The following TRIQK variants were observed in gnomAD, a reference collection of about 807,000 sequenced individuals.
The protein encoded by TRIQK is triple QxxK/R motif-containing protein.
In TRIQK, 10 loss-of-function variants were observed where a neutral mutation model predicts 10.8. The ratio of observed to expected loss-of-function variants is 0.92; its 90% confidence interval spans 0.57 to 1.57. The LOEUF (loss-of-function observed/expected upper bound fraction) is 1.57. Among genes scored for constraint, TRIQK ranks in the 40% most tolerant of loss-of-function variants. The pLI is 0.00. For missense variants in TRIQK, 107 were observed against 97.7 expected, an observed-to-expected ratio of 1.09 and a Z score of -0.40; for synonymous variants, 33 against 33.7, an observed-to-expected ratio of 0.98 and a Z score of 0.07.
intron 1 of TRIQK, among the ~76,000 whole-genome samples, chr8:93,016,304 C>A (rs544663731): frequency 6.6e-6 from 1 of 152,128 alleles, no homozygotes; most frequent in Non-Finnish European, 1.5e-5. Flanking sequence ...TTCTGAGTTT[C>A]CATGTGTCCT....
chr8:92,935,419 T>G (rs1810936462), intron 2 of TRIQK, among the ~76,000 whole-genome samples: 1 of 151,820 alleles, frequency 6.6e-6, no homozygotes, highest in East Asian at 1.9e-4. Context: ...CATATTCTGT[T>G]TTGTGCACGT....
intron 1 of TRIQK, among the ~76,000 whole-genome samples, chr8:92,984,499 A>G (rs1813013946): frequency 6.6e-6 from 1 of 152,144 alleles, no homozygotes; most frequent in Non-Finnish European, 1.5e-5. Context: ...AGATATGAGA[A>G]TAAAAAAGAA....
At chr8:92,925,942 T>TGGTGGCG (rs1428901312) in intron 2 of TRIQK, among the ~76,000 whole-genome samples, 1 of 152,072 alleles carries the variant, frequency 6.6e-6, no homozygotes, top group Non-Finnish European at 1.5e-5. Flanking sequence ...ATTGGGGGCA[T>TGGTGGCG]GGTGGCGGGT....
At chr8:92,994,184 T>C (rs964032579) in intron 1 of TRIQK, among the ~76,000 whole-genome samples, 1 of 152,180 alleles carries the variant, frequency 6.6e-6, no homozygotes, top group Non-Finnish European at 1.5e-5. Flanking sequence ...TAATATTGTA[T>C]CGTGTATACA....
rs184218074 is a variant in TRIQK at position 92,909,919 on chromosome 8, C to T, written c.61+7010G>A. Among the ~76,000 whole-genome samples the T allele has an allele frequency of 1.7e-4, 26 of 151,488 alleles. No homozygotes were observed. The East Asian group carries it at 3.1e-3, about 18-fold the overall frequency. On this transcript the variant is annotated intron_variant, in intron 3 of 4. Transcript: ENST00000521988. ...AAAAAGAATAACAGGGAACCTAAAACGCAAAATTAAGAAAAATTAAACAAC... is the reference window on the plus strand; with the variant it reads ...AAAAAGAATAACAGGGAACCTAAAATGCAAAATTAAGAAAAATTAAACAAC...
chr8:92,965,235 G>A (rs1812676139), intron 1 of TRIQK: 1 of 152,046 alleles, frequency 6.6e-6, no homozygotes, highest in Admixed American at 6.5e-5. Context: ...AACTTCTTCA[G>A]GAGGCTTATT....
chr8:92,927,425 TA>T (rs34162144), intron 2 of TRIQK, among the ~76,000 whole-genome samples: 106,839 of 150,398 alleles, frequency 0.71, 37,964 homozygotes, highest in Admixed American at 0.79. Context: ...AATTTGAAAG[TA>T]AAAAAAAAAC....
chr8:92,951,838 G>A (rs138570426), intron 2 of TRIQK, among the ~76,000 whole-genome samples: 116 of 152,184 alleles, frequency 7.6e-4, no homozygotes, highest in African/African-American at 2.7e-3. Context: ...TCCATGTGGA[G>A]GAAGAGAAAT....
intron 1 of TRIQK, among the ~76,000 whole-genome samples, chr8:93,011,104 T>C (rs1813327311): frequency 1.3e-5 from 2 of 151,856 alleles, no homozygotes; most frequent in Admixed American, 1.3e-4. Context: ...TAATGGACCG[T>C]ATAGGATTCT....
rs1038672148 is a variant in TRIQK, at chr8:92,883,852, T to C, written c.*2770A>G. 2.2e-4 allele frequency: 33 copies of C among 151,788 alleles called. No homozygotes were observed. The highest frequency in any genetic ancestry group is 7.5e-4 in the African/African-American group (31 of 41,402). The allele number at this position is 151,788 out of a possible 1,614,324, so 9.4% of individuals were successfully genotyped here. On this transcript the variant is annotated 3_prime_UTR_variant, in exon 5 of 5. Transcript: ENST00000521988. The stretch of plus-strand genomic sequence containing the variant: ...CTACATTTGTACTAAAATAGGCTTT[T>C]GCTTGTTTTAAAAGCAATTCTAGAT...
At chr8:92,946,031 A>G (rs1811514632) in intron 2 of TRIQK, among the ~76,000 whole-genome samples, 1 of 152,130 alleles carries the variant, frequency 6.6e-6, no homozygotes, top group African/African-American at 2.4e-5. Context: ...ATTTAATAAT[A>G]ACAAAGGCTA....
chr8:93,002,712 G>A (rs1420987340), intron 1 of TRIQK, among the ~76,000 whole-genome samples: 1 of 152,112 alleles, frequency 6.6e-6, no homozygotes, highest in Non-Finnish European at 1.5e-5. Context: ...CTGAGGCCAG[G>A]ATTTCGAGAC....
At chr8:92,958,894 C>T (rs2130701698) in intron 1 of TRIQK, among the ~76,000 whole-genome samples, 1 of 152,168 alleles carries the variant, frequency 6.6e-6, no homozygotes. Context: ...CTCATGTGCA[C>T]CTCTGCGGCA....
chr8:92,911,483 G>A (rs1809563407), intron 3 of TRIQK, among the ~76,000 whole-genome samples: 1 of 151,322 alleles, frequency 6.6e-6, no homozygotes, highest in Admixed American at 6.6e-5. Context: ...AATATATAGA[G>A]TGTCTCAATG....
chr8:92,967,259 A>G (rs1342466333), upstream of TRIQK, among the ~76,000 whole-genome samples: 1 of 151,964 alleles, frequency 6.6e-6, no homozygotes, highest in Non-Finnish European at 1.5e-5. Flanking sequence ...AGAAGGGTTT[A>G]TCTTGTCTGA....
At chr8:92,929,165 G>A (rs1316540568) in intron 2 of TRIQK, among the ~76,000 whole-genome samples, 1 of 152,138 alleles carries the variant, frequency 6.6e-6, no homozygotes, top group African/African-American at 2.4e-5. Context: ...GTTGGGGAGT[G>A]GCTAAGGAAG....
At chr8:92,920,364 G>A (rs1810111140) in intron 2 of TRIQK, among the ~76,000 whole-genome samples, 1 of 151,596 alleles carries the variant, frequency 6.6e-6, no homozygotes, top group Non-Finnish European at 1.5e-5. Flanking sequence ...TGAAGATGAA[G>A]TCAGACAAGA....
At chr8:93,008,727 A>G (rs908108786) in intron 1 of TRIQK, among the ~76,000 whole-genome samples, 1 of 152,196 alleles carries the variant, frequency 6.6e-6, no homozygotes, top group Non-Finnish European at 1.5e-5. Context: ...AAGAGCACAC[A>G]TTGGTGAAAG....
chr8:92,949,065 C>A (rs1811695959), intron 2 of TRIQK, among the ~76,000 whole-genome samples: 1 of 152,180 alleles, frequency 6.6e-6, no homozygotes, highest in African/African-American at 2.4e-5. Context: ...TTTCTGTTTT[C>A]TGTTACATAA....
Sources: gnomAD v4.1 joint callset for allele counts (sites outside exome capture counted in the v4.1 genomes callset) on GRCh38, gnomAD v4.1.1 for gene constraint, MANE v1.5 for transcripts, NCBI Gene and HGNC (gene_info 2026-07-23, HGNC 2026-07-21) for gene names.